Variants in ST6GALNAC5 observed in about 807,000 individuals in gnomAD.
ST6GALNAC5 encodes ST6 N-acetylgalactosaminide alpha-2,6-sialyltransferase 5, also known as alpha-N-acetylgalactosaminide alpha-2,6-sialyltransferase 5.
A neutral mutation model predicts 33.6 loss-of-function variants in ST6GALNAC5; 27 were observed. The observed-to-expected ratio is 0.80, with a 90% confidence interval of 0.59 to 1.11. ST6GALNAC5 has a LOEUF of 1.11. Among genes scored for constraint, ST6GALNAC5 ranks in the 50% least tolerant of loss-of-function variants. ST6GALNAC5 has a pLI of 0.00. For synonymous variants in ST6GALNAC5, 194 were observed against 171.2 expected, an observed-to-expected ratio of 1.13 and a Z score of -1.04; for missense variants, 428 against 454.0, an observed-to-expected ratio of 0.94 and a Z score of 0.52.
At chr1:76,952,820 AG>A (rs1647805531) in intron 2 of ST6GALNAC5, among the ~76,000 whole-genome samples, 1 of 152,112 alleles carries the variant, frequency 6.6e-6, no homozygotes, top group Non-Finnish European at 1.5e-5. Flanking sequence ...ATCACCATAA[AG>A]GAACACCCTC....
chr1:76,950,413 C>A lies in ST6GALNAC5; in HGVS notation c.261+81671C>A, dbSNP rs186472196. Among the ~76,000 whole-genome samples, 13 of 152,102 alleles carry A rather than the reference C, an allele frequency of 8.5e-5. No homozygotes were observed. The East Asian group carries it at 2.3e-3, about 27-fold the overall frequency. Reference sequence around the variant, plus strand: ...AACTTATAGGTAAGAAACTGAGACACGTAGAGATGAACTAATTTATTCATT... The same window carrying A: ...AACTTATAGGTAAGAAACTGAGACAAGTAGAGATGAACTAATTTATTCATT... On this transcript the variant is annotated intron_variant, in intron 2 of 4. Transcript: ENST00000477717.
rs112452708 is a variant in ST6GALNAC5, at chr1:77,007,339, G to T, written c.262-36865G>T. 6.6e-5 allele frequency among the ~76,000 whole-genome samples: 10 copies of T among 152,290 alleles called. 2 individuals are homozygous for T. Among genetic ancestry groups the T allele is most frequent in the African/African-American group, 2.4e-4 (10 of 41,562 alleles). On this transcript the variant is annotated intron_variant, in intron 2 of 4. Coordinates refer to ENST00000477717, the MANE Select transcript of ST6GALNAC5 (RefSeq NM_030965.3). The stretch of plus-strand genomic sequence containing the variant: ...CCACATGCCCCAGCACCTCTGCAAC[G>T]CTCTCCATTTGAGGGTTCATTCATT...
rs66721550 is a variant in ST6GALNAC5, at chr1:76,872,068, AACACACACACACAC to A, written c.261+3363_261+3376del. 1.6e-3 allele frequency among the ~76,000 whole-genome samples: 207 copies of A among 130,302 alleles called. 1 individual carries two copies. Among genetic ancestry groups the A allele is most frequent in the South Asian group, 8.7e-3 (32 of 3,682 alleles). 85.5% of individuals were successfully genotyped at this position (130,302 alleles called of 152,430 possible). On this transcript the variant is annotated intron_variant, in intron 2 of 4. Coordinates refer to ENST00000477717, the MANE Select transcript of ST6GALNAC5 (RefSeq NM_030965.3). ...CTGTAGCCTAATGTATAACCAAGCT[AACACACACACACAC>A]ACACACACACACACACACACACACA...
intron 2 of ST6GALNAC5, among the ~76,000 whole-genome samples, chr1:76,943,585 T>A (rs1304925846): frequency 6.6e-6 from 1 of 152,038 alleles, no homozygotes; most frequent in African/African-American, 2.4e-5. Flanking sequence ...CAAACAAGCC[T>A]CCCATCTCCT....
chr1:76,877,934 G>A (rs991539437), intron 2 of ST6GALNAC5, among the ~76,000 whole-genome samples: 2 of 152,244 alleles, frequency 1.3e-5, no homozygotes, highest in East Asian at 3.9e-4. Flanking sequence ...CTACATACCA[G>A]GTATGAGGAG....
chr1:76,873,419 T>G (rs1653555211), intron 2 of ST6GALNAC5, among the ~76,000 whole-genome samples: 1 of 152,244 alleles, frequency 6.6e-6, no homozygotes, highest in Middle Eastern at 3.2e-3. Context: ...CAGCAATGTC[T>G]TTGTACATCT....
chr1:77,024,013 G>T (rs1651146561), intron 2 of ST6GALNAC5, among the ~76,000 whole-genome samples: 1 of 152,196 alleles, frequency 6.6e-6, no homozygotes, highest in Admixed American at 6.5e-5. Context: ...TAAGGAGACA[G>T]ATCTGAGAGA....
chr1:76,918,438 T>G (rs1265785123), intron 2 of ST6GALNAC5, among the ~76,000 whole-genome samples: 1 of 151,696 alleles, frequency 6.6e-6, no homozygotes, highest in Non-Finnish European at 1.5e-5. Flanking sequence ...GCTAACATGG[T>G]AAAACCCCGT....
chr1:77,053,276 A>C (rs1223372767), intron 4 of ST6GALNAC5, among the ~76,000 whole-genome samples: 1 of 152,190 alleles, frequency 6.6e-6, no homozygotes, highest in Non-Finnish European at 1.5e-5. Flanking sequence ...AGCTATCGCC[A>C]GGGCCAAAAA....
At chr1:77,055,688 C>T (rs1652372375) in intron 4 of ST6GALNAC5, among the ~76,000 whole-genome samples, 1 of 152,142 alleles carries the variant, frequency 6.6e-6, no homozygotes, top group Admixed American at 6.5e-5. Context: ...AGCCCCCTGT[C>T]TGAGTCAGAC....
At chr1:76,891,632 T>A (rs1654014394) in intron 2 of ST6GALNAC5, among the ~76,000 whole-genome samples, 2 of 152,328 alleles carry the variant, frequency 1.3e-5, no homozygotes, top group South Asian at 4.1e-4. Context: ...ACTTTTGGTG[T>A]CTTATCTAAG....
At chr1:76,876,640 A>G (rs1406941872) in intron 2 of ST6GALNAC5, among the ~76,000 whole-genome samples, 2 of 152,184 alleles carry the variant, frequency 1.3e-5, no homozygotes, top group African/African-American at 4.8e-5. Context: ...ATCAGTATAT[A>G]ATCTCACATC....
chr1:76,944,969 C>T (rs1408550262), intron 2 of ST6GALNAC5, among the ~76,000 whole-genome samples: 7 of 152,088 alleles, frequency 4.6e-5, no homozygotes, highest in East Asian at 3.9e-4. Flanking sequence ...GACAGACCAT[C>T]CCACTGCTGT....
chr1:76,985,286 T>C (rs556066207), intron 2 of ST6GALNAC5, among the ~76,000 whole-genome samples: 2 of 152,194 alleles, frequency 1.3e-5, no homozygotes, highest in Non-Finnish European at 2.9e-5. Context: ...AGCCCAAATC[T>C]CCTTAAGCTG....
At chr1:76,881,147 G>T (rs146214684) in intron 2 of ST6GALNAC5, among the ~76,000 whole-genome samples, 2 of 152,060 alleles carry the variant, frequency 1.3e-5, no homozygotes, top group Admixed American at 1.3e-4. Flanking sequence ...ATTGTCATCC[G>T]TATCCCAGAA....
At chr1:77,061,749 G>A (rs1029624358) in intron 4 of ST6GALNAC5, among the ~76,000 whole-genome samples, 11 of 152,168 alleles carry the variant, frequency 7.2e-5, no homozygotes, top group South Asian at 6.2e-4. Context: ...TCTTTAGTGC[G>A]TAAATATTTA....
intron 2 of ST6GALNAC5, among the ~76,000 whole-genome samples, chr1:76,951,231 A>G (rs1647730426): frequency 6.6e-6 from 1 of 152,158 alleles, no homozygotes; most frequent in African/African-American, 2.4e-5. Flanking sequence ...CAGATGCAAC[A>G]GAGTTAACCT....
intron 2 of ST6GALNAC5, among the ~76,000 whole-genome samples, chr1:76,897,523 A>G (rs188268219): frequency 0.017 from 2,625 of 152,014 alleles, 80 homozygotes; most frequent in African/African-American, 0.059. Context: ...TATTGGCATT[A>G]ATCGGGGTAA....
chr1:76,931,343 T>A (rs11799656), intron 2 of ST6GALNAC5, among the ~76,000 whole-genome samples: 19,481 of 152,112 alleles, frequency 0.13, 1,315 homozygotes, highest in South Asian at 0.27. Context: ...AGTGCCAAAC[T>A]CCTGGCCCAC....
Sources: allele counts gnomAD v4.1 joint callset (sites outside exome capture counted in the v4.1 genomes callset), GRCh38; gene constraint gnomAD v4.1.1; transcripts MANE v1.5; gene names NCBI Gene and HGNC (gene_info 2026-07-23, HGNC 2026-07-21).